PAICS: variants seen among roughly 807,000 people sequenced by gnomAD.
The protein encoded by PAICS is phosphoribosylaminoimidazole carboxylase and phosphoribosylaminoimidazolesuccinocarboxamide synthase.
PAICS carries 33 observed loss-of-function variants against 53.7 expected under a neutral mutation model. That is an observed-to-expected ratio of 0.61 (90% CI 0.47 to 0.82). PAICS has a LOEUF of 0.82. PAICS is among the 40% of genes least tolerant of loss of function. The pLI, the probability that PAICS is intolerant of heterozygous loss-of-function variation, is 0.00. For missense variants in PAICS, 394 were observed against 494.1 expected, an observed-to-expected ratio of 0.80 and a Z score of 1.92; for synonymous variants, 141 against 167.2, an observed-to-expected ratio of 0.84 and a Z score of 1.21.
At chr4:56,427,317 C>G in the PAICS span, among the ~76,000 whole-genome samples, 2 of 152,190 alleles carry the variant, frequency 1.3e-5, no homozygotes, top group East Asian at 3.9e-4. Context: ...TTTTCCACAG[C>G]ATGTATATGT....
At chr4:56,411,690 T>C in the PAICS span, among the ~76,000 whole-genome samples, 2 of 152,198 alleles carry the variant, frequency 1.3e-5, no homozygotes, top group Non-Finnish European at 2.9e-5. Context: ...CCACTATCTG[T>C]GTGTACCATG....
upstream of PAICS, chr4:56,435,595 C>T (rs888967127): frequency 6.5e-7 from 1 of 1,547,984 alleles, no homozygotes; most frequent in Non-Finnish European, 8.8e-7. Context: ...CTCTTCCTTC[C>T]CGAGGGTGGC....
chr4:56,438,719 G>A (rs1185693465), intron 1 of PAICS, among the ~76,000 whole-genome samples: 3 of 151,964 alleles, frequency 2.0e-5, no homozygotes, highest in African/African-American at 7.3e-5. Context: ...GATTACAGGC[G>A]TGAGCCCATT....
the PAICS span, among the ~76,000 whole-genome samples, chr4:56,424,281 G>T: frequency 3.9e-5 from 6 of 152,158 alleles, no homozygotes; most frequent in African/African-American, 1.2e-4. Context: ...ATCTAGAGTG[G>T]TTCCCAATTT....
At chr4:56,436,876 A>C (rs1179779964) in intron 1 of PAICS, among the ~76,000 whole-genome samples, 1 of 127,208 alleles carries the variant, frequency 7.9e-6, no homozygotes, top group African/African-American at 3.4e-5. Context: ...GCGCGCCTGT[A>C]ATCCCCAGCT....
chr4:56,433,700 T>TG (rs935347912), upstream of PAICS, among the ~76,000 whole-genome samples: 33 of 33,080 alleles, frequency 1.0e-3, no homozygotes, highest in Admixed American at 1.8e-3. Flanking sequence ...ATAACAACTG[T>TG]TTTTTTTTTT....
At chr4:56,419,492 G>A in the PAICS span, 6 of 176,154 alleles carry the variant, frequency 3.4e-5, no homozygotes, top group Non-Finnish European at 4.4e-5. Context: ...GAAAAGCTAA[G>A]CTATGATTTG....
At chr4:56,434,026 C>G (rs1208303609), upstream of PAICS, among the ~76,000 whole-genome samples, 1 of 152,174 alleles carries the variant, frequency 6.6e-6, no homozygotes, top group East Asian at 1.9e-4. Context: ...ATGTTGCTCA[C>G]AACTACCACA....
intron 8 of PAICS, among the ~76,000 whole-genome samples, chr4:56,455,639 A>G (rs750163356): frequency 6.6e-6 from 1 of 152,204 alleles, no homozygotes; most frequent in Non-Finnish European, 1.5e-5. Flanking sequence ...TTGAAGCCCT[A>G]TACTTGATAG....
intron 1 of PAICS, among the ~76,000 whole-genome samples, chr4:56,438,079 C>T (rs1718113827): frequency 1.3e-5 from 2 of 151,858 alleles, no homozygotes; most frequent in Admixed American, 1.3e-4. Context: ...GCAAAAATGG[C>T]ATCTCTAGAG....
the PAICS span, among the ~76,000 whole-genome samples, chr4:56,426,737 C>T: frequency 6.6e-6 from 1 of 152,150 alleles, no homozygotes; most frequent in East Asian, 1.9e-4. Flanking sequence ...TATGAACATT[C>T]TGGTACAATT....
the PAICS span, chr4:56,420,718 G>A: frequency 6.6e-6 from 1 of 152,088 alleles, no homozygotes; most frequent in Non-Finnish European, 1.5e-5. Context: ...AATAGAAAAA[G>A]GGCATTGAAG....
intron 7 of PAICS, 59 bp from the exon 8 acceptor site, chr4:56,453,541 AAAC>A: frequency 1.6e-6 from 2 of 1,288,556 alleles, no homozygotes; most frequent in South Asian, 3.2e-5. Flanking sequence ...AAAAAAAAAA[AAAC>A]CCTGTCTTTA....
chr4:56,448,007 C>CTTTT (rs35788109), intron 3 of PAICS, among the ~76,000 whole-genome samples: 18 of 121,998 alleles, frequency 1.5e-4, no homozygotes, highest in Middle Eastern at 4.4e-3. Context: ...AATTTCTTTT[C>CTTTT]TTTTTTTTTT....
At chr4:56,452,187 CTT>C in intron 7 of PAICS, 135 bp downstream of exon 7, 1 of 597,428 alleles carries the variant, frequency 1.7e-6, no homozygotes, top group Non-Finnish European at 2.9e-6. Context: ...ACTAGGCTTT[CTT>C]TTTTTTTGAG....
chr4:56,458,845 A>G (rs747630746), intron 8 of PAICS, among the ~76,000 whole-genome samples: 3 of 152,286 alleles, frequency 2.0e-5, no homozygotes, highest in Non-Finnish European at 4.4e-5. Flanking sequence ...GCTGTCTTGG[A>G]TCTTATTAAT....
intron 8 of PAICS, among the ~76,000 whole-genome samples, chr4:56,456,765 T>G (rs1719230397): frequency 6.6e-6 from 1 of 151,220 alleles, no homozygotes; most frequent in African/African-American, 2.4e-5. Flanking sequence ...GTTTTCTGGG[T>G]TTTTGTTGTT....
the PAICS span, among the ~76,000 whole-genome samples, chr4:56,415,594 T>C: frequency 3.9e-5 from 6 of 152,316 alleles, no homozygotes; most frequent in South Asian, 8.3e-4. Context: ...AACTTTAATA[T>C]GTATCAATCA....
At chr4:56,431,918 C>A (rs1486019546), upstream of PAICS, among the ~76,000 whole-genome samples, 1 of 152,098 alleles carries the variant, frequency 6.6e-6, no homozygotes, top group African/African-American at 2.4e-5. Context: ...CACATGCATG[C>A]ACAGTTTACA....
Sources: allele counts gnomAD v4.1 joint callset (sites outside exome capture counted in the v4.1 genomes callset), GRCh38; gene constraint gnomAD v4.1.1; transcripts MANE v1.5; gene names NCBI Gene and HGNC (gene_info 2026-07-23, HGNC 2026-07-21).